The following ENO2 variants were observed in gnomAD, a reference collection of about 807,000 sequenced individuals.
ENO2 encodes the protein enolase 2.
In ENO2, 19 loss-of-function variants were observed where a neutral mutation model predicts 48.7. The observed-to-expected ratio is 0.39, with a 90% CI of 0.27 to 0.57. ENO2 has a LOEUF of 0.57. Ranked by LOEUF, ENO2 falls within the 20% of genes least tolerant of loss-of-function variation. The pLI, the probability that ENO2 is intolerant of heterozygous loss-of-function variation, is 0.58. For synonymous variants in ENO2, 198 were observed against 213.4 expected, an observed-to-expected ratio of 0.93 and a Z score of 0.63; for missense variants, 416 against 555.0, an observed-to-expected ratio of 0.75 and a Z score of 2.52.
chr12:6,919,843 G>GGTGGGGGTGTCCT lies in ENO2; in HGVS notation c.865+80_865+81insGTGGGGGTGTCCT. Reference sequence around the variant, plus strand: ...GCAACTCTGGACCTTATGGGGTGCTGACTCAGGCACCAGGTGGGGGTGTCC... The same window carrying GGTGGGGGTGTCCT: ...GCAACTCTGGACCTTATGGGGTGCTGGTGGGGGTGTCCTACTCAGGCACCAGGTGGGGGTGTCC... On this transcript the variant is annotated intron_variant, in intron 8 of 11. Transcript: ENST00000229277. The GGTGGGGGTGTCCT allele has an allele frequency of 3.4e-6, 5 of 1,479,796 alleles. No homozygotes were observed. The South Asian group carries it at 6.0e-5, about 18-fold the overall frequency. The allele number at this position is 1,479,796 out of a possible 1,614,324, so 91.7% of individuals were successfully genotyped here.
chr12:6,921,861 C>T, intron 9 of ENO2, 79 bp downstream of exon 9: 1 of 1,567,626 alleles, frequency 6.4e-7, no homozygotes, highest in Admixed American at 1.8e-5. Context: ...CCTAATTCTA[C>T]CCAGGGGTGC....
At chr12:6,918,680 C>T (rs1555141858) in intron 7 of ENO2, among the ~76,000 whole-genome samples, 1 of 150,540 alleles carries the variant, frequency 6.6e-6, no homozygotes, top group African/African-American at 2.4e-5. Context: ...GTGTTAGCAT[C>T]TGTTAAGTTG....
rs1253808472 is a variant in ENO2, at chr12:6,914,954, C to T, written c.-13+295C>T. ...CTATTTGTTTCTAAGTTGGGAGCCTCTCCGGGCGGTGCATTTTTATCCTAG... is the reference window on the plus strand; with the variant it reads ...CTATTTGTTTCTAAGTTGGGAGCCTTTCCGGGCGGTGCATTTTTATCCTAG... On this transcript the variant is annotated intron_variant, in intron 1 of 11. Coordinates refer to ENST00000229277, the MANE Select transcript of ENO2 (RefSeq NM_001975.3). The surrounding 1 kb of genome is among the most constrained non-coding windows in gnomAD (Gnocchi z 7.1). 2.0e-5 allele frequency among the ~76,000 whole-genome samples: 3 copies of T among 152,196 alleles called. No individual in the cohort carries two copies. Among genetic ancestry groups the T allele is most frequent in the Non-Finnish European group, 4.4e-5 (3 of 68,032 alleles).
chr12:6,919,821 A>T, intron 8 of ENO2, 58 bp downstream of exon 8: 7 of 1,577,862 alleles, frequency 4.4e-6, no homozygotes, highest in Non-Finnish European at 6.1e-6. Context: ...TGTCCCAGCA[A>T]CTCTGGACCT....
chr12:6,920,449 G>A (rs1555141991), intron 8 of ENO2, among the ~76,000 whole-genome samples: 1 of 151,520 alleles, frequency 6.6e-6, no homozygotes, highest in African/African-American at 2.4e-5. Context: ...GCCCAGGCTG[G>A]AGTGCAATGG....
Position 6,916,638 on chromosome 12 carries a change from G to A in ENO2, c.182-33G>A. ...CATTGATCCCTTCCGGCCCCTCCTG[G>A]CCCGACCCAGTCCAGCCTCTTCCTT... On this transcript the variant is annotated intron_variant, in intron 3 of 11. Coordinates refer to ENST00000229277, the MANE Select transcript of ENO2 (RefSeq NM_001975.3). This position sits in a 1 kb window ranked among gnomAD's most constrained non-coding sequence, Gnocchi z 4.5. 1.2e-6 allele frequency: 2 copies of A among 1,613,854 alleles called. No individual in the cohort carries two copies. The highest frequency in any genetic ancestry group is 8.5e-7 in the Non-Finnish European group (1 of 1,179,866).
In ENO2 at chr12:6,923,493, G is replaced by A. The variant is rs148043196; in HGVS notation, c.*693G>A. 813 of 152,328 alleles carry A rather than the reference G, an allele frequency of 5.3e-3. 11 individuals are homozygous for A. The highest frequency in any genetic ancestry group is 0.017 in the Middle Eastern group (5 of 294). The allele number at this position is 152,328 out of a possible 1,614,324, so 9.4% of individuals were successfully genotyped here. A position where few individuals can be genotyped will look rare whatever the true frequency, so the allele number is the denominator to read the frequency against. On this transcript the variant is annotated 3_prime_UTR_variant, in exon 12 of 12. Coordinates refer to ENST00000229277, the MANE Select transcript of ENO2 (RefSeq NM_001975.3). ...GGCCTTGACATCAGTTCCTTTGTGT[G>A]TACTCACTGAAGCCTGCGTTGGTCC...
chr12:6,917,572 A>C lies in ENO2; in HGVS notation c.311-9A>C, dbSNP rs141344525. On this transcript the variant is annotated splice_polypyrimidine_tract_variant and intron_variant, in intron 5 of 11. Coordinates refer to ENST00000229277, the MANE Select transcript of ENO2 (RefSeq NM_001975.3). The stretch of plus-strand genomic sequence containing the variant: ...ATTGTGCTCAGCACCTTCCTCTATA[A>C]TCTCCTAGCCAAGTTTGGGGCCAAT... The C allele has an allele frequency of 2.8e-4, 449 of 1,610,940 alleles. 1 individual carries two copies. The African/African-American group carries it at 5.1e-3, about 18-fold the overall frequency.
At chr12:6,918,920 TGTG>T (rs1406911259) in intron 7 of ENO2, among the ~76,000 whole-genome samples, 1 of 147,906 alleles carries the variant, frequency 6.8e-6, no homozygotes, top group African/African-American at 2.5e-5. Context: ...AGGCGGAGGT[TGTG>T]GTGAGCCGAG....
Position 6,916,576 on chromosome 12 carries a change from G to C in ENO2, c.181+64G>C. The C allele has an allele frequency of 6.2e-7, 1 of 1,611,032 alleles. No homozygotes were observed. The highest frequency in any genetic ancestry group is 2.2e-5 in the East Asian group (1 of 44,858). On this transcript the variant is annotated intron_variant, in intron 3 of 11. Transcript: ENST00000229277. This position sits in a 1 kb window ranked among gnomAD's most constrained non-coding sequence, Gnocchi z 4.5. The stretch of plus-strand genomic sequence containing the variant: ...AGCCTTATGCCCCTACCTCACACCA[G>C]TCCCCAGTCCTCCTCTAGCATGGCT...
At chr12:6,920,686 C>T (rs1288275510) in intron 8 of ENO2, among the ~76,000 whole-genome samples, 1 of 151,298 alleles carries the variant, frequency 6.6e-6, no homozygotes, top group Non-Finnish European at 1.5e-5. Flanking sequence ...AGGCGTGAGC[C>T]ACCACGCCTG....
chr12:6,915,693 T>TCCCCCCCC, intron 1 of ENO2, 128 bp from the exon 2 acceptor site: 3 of 342,198 alleles, frequency 8.8e-6, no homozygotes, highest in South Asian at 2.2e-5. Context: ...AGCGCCTCCC[T>TCCCCCCCC]ACCCACCCCC....
chr12:6,922,464 G>T lies in ENO2; in HGVS notation c.1235+62G>T. The T allele has an allele frequency of 6.3e-7, 1 of 1,596,422 alleles. No individual in the cohort carries two copies. Among genetic ancestry groups the T allele is most frequent in the South Asian group, 1.1e-5 (1 of 90,652 alleles). On this transcript the variant is annotated intron_variant, in intron 11 of 11. Transcript: ENST00000229277. This position sits in a 1 kb window ranked among gnomAD's most constrained non-coding sequence, Gnocchi z 5.3. Reference sequence around the variant, plus strand: ...GGCTAAAGGCCCCATTTGCCTGCCAGACCATCTGTAGCACCAAGGGCCTGG... The same window carrying T: ...GGCTAAAGGCCCCATTTGCCTGCCATACCATCTGTAGCACCAAGGGCCTGG...
At chr12:6,915,690 CCCTA>C in intron 1 of ENO2, 127 bp from the exon 2 acceptor site, 1 of 476,506 alleles carries the variant, frequency 2.1e-6, no homozygotes. Context: ...GCCAGCGCCT[CCCTA>C]CCCACCCCCC....
intron 8 of ENO2, among the ~76,000 whole-genome samples, chr12:6,920,885 C>T (rs1162396590): frequency 6.7e-6 from 1 of 150,092 alleles, no homozygotes; most frequent in Admixed American, 6.6e-5. Context: ...GAGATCTCTG[C>T]TCACTGCACG....
At chr12:6,920,786 A>G (rs1395351419) in intron 8 of ENO2, among the ~76,000 whole-genome samples, 22 of 126,994 alleles carry the variant, frequency 1.7e-4, no homozygotes, top group African/African-American at 6.5e-4. Context: ...GTCTCAAACT[A>G]CTGGGCTCAA....
intron 8 of ENO2, among the ~76,000 whole-genome samples, chr12:6,920,717 C>CTTTTTT (rs781865832): frequency 2.1e-5 from 2 of 95,144 alleles, no homozygotes; most frequent in Non-Finnish European, 4.1e-5. Context: ...TTTTAATTAA[C>CTTTTTT]TTTTTTTTTT....
At chr12:6,921,068 T>TG (rs1216952532) in intron 8 of ENO2, among the ~76,000 whole-genome samples, 3 of 151,754 alleles carry the variant, frequency 2.0e-5, no homozygotes, top group African/African-American at 7.3e-5. Flanking sequence ...CATGAGCCAC[T>TG]GTGCCTGGCC....
Position 6,922,031 on chromosome 12 carries a change from G to C in ENO2, c.1068-25G>C. The stretch of plus-strand genomic sequence containing the variant: ...GAGAGTGCCCAGTGTGAGAGCTGGA[G>C]AATCAGTGCTGTGTGTGGATACAGG... On this transcript the variant is annotated intron_variant, in intron 9 of 11. Transcript: ENST00000229277. This position sits in a 1 kb window ranked among gnomAD's most constrained non-coding sequence, Gnocchi z 5.3. The C allele has an allele frequency of 6.2e-7, 1 of 1,613,446 alleles. No homozygotes were observed. Among genetic ancestry groups the C allele is most frequent in the East Asian group, 2.2e-5 (1 of 44,878 alleles).
Sources: allele counts gnomAD v4.1 joint callset (sites outside exome capture counted in the v4.1 genomes callset), GRCh38; gene constraint gnomAD v4.1.1; non-coding constraint Gnocchi (gnomAD v3.1); transcripts MANE v1.5; gene names NCBI Gene and HGNC (gene_info 2026-07-23, HGNC 2026-07-21).